CREB5: variants seen among roughly 807,000 people sequenced by gnomAD.
CREB5 encodes the protein cyclic AMP-responsive element-binding protein 5.
In CREB5, 19 loss-of-function variants were observed where a neutral mutation model predicts 57.1. The ratio of observed to expected loss-of-function variants is 0.33; its 90% CI spans 0.23 to 0.49. The LOEUF is 0.49. Ranked by LOEUF, CREB5 falls within the 20% of genes least tolerant of loss-of-function variation. The pLI is 0.99. For synonymous variants in CREB5, 238 were observed against 238.3 expected (o/e 1.00, Z 0.01); for missense variants, 579 against 671.6 (o/e 0.86, Z 1.52).
Position 28,795,747 on chromosome 7 carries a change from TTTTC to T in CREB5, c.703-8444_703-8441del, listed in dbSNP as rs1180278260. ...ATCCACATAAAATAAAATTAACTGT[TTTTC>T]TTTCTTTTTTTTTTTTTTTGAGACA... On this transcript the variant is annotated intron_variant, in intron 7 of 10. Coordinates refer to ENST00000357727, the MANE Select transcript of CREB5 (RefSeq NM_182898.4). Among the ~76,000 whole-genome samples the T allele has an allele frequency of 9.2e-5, 13 of 141,894 alleles. No homozygotes were observed. The East Asian group carries it at 1.8e-3, about 19-fold the overall frequency. 93.1% of individuals were successfully genotyped at this position (141,894 alleles called of 152,430 possible). A position where few individuals can be genotyped will look rare whatever the true frequency, so the allele number is the denominator to read the frequency against.
intron 5 of CREB5, among the ~76,000 whole-genome samples, chr7:28,668,812 C>T (rs759316274): frequency 9.9e-5 from 15 of 152,196 alleles, no homozygotes; most frequent in Middle Eastern, 6.8e-3. Context: ...TCAGTTTTAC[C>T]GGTGAGTGAG....
At chr7:28,308,594 G>A (rs1329836099) in intron 1 of CREB5, among the ~76,000 whole-genome samples, 1 of 152,130 alleles carries the variant, frequency 6.6e-6, no homozygotes, top group Non-Finnish European at 1.5e-5. Context: ...GTGTGCTGGT[G>A]GTGAATGGCT....
In CREB5 at chr7:28,824,583, C is replaced by T. The variant is rs1809960407; in HGVS notation, c.*5304C>T. Reference sequence around the variant, plus strand: ...ATAAACTTACAAGTAAAATTCAATACCAAAACAAACACAAAGAAATTTAAA... The same window carrying T: ...ATAAACTTACAAGTAAAATTCAATATCAAAACAAACACAAAGAAATTTAAA... On this transcript the variant is annotated 3_prime_UTR_variant, in exon 11 of 11. Transcript: ENST00000357727. The T allele has an allele frequency of 2.0e-5, 3 of 152,540 alleles. 1 individual carries two copies. The South Asian group carries it at 6.2e-4, about 32-fold the overall frequency. The allele number at this position is 152,540 out of a possible 1,614,324, so 9.4% of individuals were successfully genotyped here.
intron 4 of CREB5, among the ~76,000 whole-genome samples, chr7:28,535,762 G>C (rs572317349): frequency 9.2e-5 from 14 of 152,218 alleles, no homozygotes; most frequent in African/African-American, 3.4e-4. Context: ...GATGTGGTGA[G>C]CATGAATTTT....
At chr7:28,580,705 T>C (rs1796094264) in intron 5 of CREB5, among the ~76,000 whole-genome samples, 1 of 152,014 alleles carries the variant, frequency 6.6e-6, no homozygotes, top group Non-Finnish European at 1.5e-5. Flanking sequence ...ATAATTATTA[T>C]TGCCATTAGG....
At chr7:28,517,426 C>T (rs1032569420) in intron 4 of CREB5, among the ~76,000 whole-genome samples, 1 of 152,202 alleles carries the variant, frequency 6.6e-6, no homozygotes, top group Non-Finnish European at 1.5e-5. Context: ...GCATTTCCAG[C>T]ACGTTGGCTG....
At chr7:28,481,467 G>A (rs941974423) in intron 1 of CREB5, among the ~76,000 whole-genome samples, 7 of 152,190 alleles carry the variant, frequency 4.6e-5, no homozygotes, top group Non-Finnish European at 8.8e-5. Flanking sequence ...TTCACGCCAA[G>A]TTCTGGTGAA....
chr7:28,330,200 T>G (rs1785687953), intron 1 of CREB5, among the ~76,000 whole-genome samples: 1 of 152,206 alleles, frequency 6.6e-6, no homozygotes, highest in Admixed American at 6.5e-5. Flanking sequence ...TTTCCTGTTT[T>G]GAAGGTTTCC....
At chr7:28,749,478 G>A (rs1804859141) in intron 7 of CREB5, 1 of 152,236 alleles carries the variant, frequency 6.6e-6, no homozygotes, top group South Asian at 2.1e-4. Flanking sequence ...CTTGCTTAAA[G>A]TGACAGTTAA....
chr7:28,410,390 C>A (rs1341494888), upstream of CREB5: 1 of 456,754 alleles, frequency 2.2e-6, no homozygotes, highest in Admixed American at 2.3e-5. Context: ...GGCGGAGTCT[C>A]CCCCTGCGGC....
intron 1 of CREB5, among the ~76,000 whole-genome samples, chr7:28,353,743 T>G (rs1050092032): frequency 6.6e-6 from 1 of 150,676 alleles, no homozygotes; most frequent in African/African-American, 2.4e-5. Flanking sequence ...CTCGGGAGGC[T>G]GAGGCAGGAG....
In CREB5 at chr7:28,637,239, A is replaced by G. The variant is rs1798458713; in HGVS notation, c.464+66702A>G. Among the ~76,000 whole-genome samples the G allele has an allele frequency of 1.3e-5, 2 of 152,126 alleles. 1 individual carries two copies. ...AATTATGTTTCATAATTCATATTATAATTCAAATTATGTCTAGCTTCAGTA... is the reference window on the plus strand; with the variant it reads ...AATTATGTTTCATAATTCATATTATGATTCAAATTATGTCTAGCTTCAGTA... On this transcript the variant is annotated intron_variant, in intron 5 of 10. Transcript: ENST00000357727.
intron 5 of CREB5, among the ~76,000 whole-genome samples, chr7:28,570,787 C>T (rs2128648773): frequency 6.6e-6 from 1 of 152,118 alleles, no homozygotes; most frequent in East Asian, 1.9e-4. Context: ...TTTCTTCAGA[C>T]AAGATTTATG....
chr7:28,816,134 T>A (rs533556081), intron 9 of CREB5, among the ~76,000 whole-genome samples: 1 of 152,260 alleles, frequency 6.6e-6, no homozygotes, highest in South Asian at 2.1e-4. Flanking sequence ...TTGTTTTTTT[T>A]TAACCAGAGA....
chr7:28,756,223 T>C (rs1805288595), intron 7 of CREB5, among the ~76,000 whole-genome samples: 1 of 152,012 alleles, frequency 6.6e-6, no homozygotes. Flanking sequence ...CGCAGCCAAA[T>C]GAAGGGCTTG....
chr7:28,632,645 C>T (rs117078514), intron 5 of CREB5, among the ~76,000 whole-genome samples: 345 of 152,268 alleles, frequency 2.3e-3, no homozygotes, highest in Non-Finnish European at 3.6e-3. Flanking sequence ...GGACAGAGAA[C>T]GCTGCTACTT....
intron 1 of CREB5, among the ~76,000 whole-genome samples, chr7:28,431,385 A>C (rs955520881): frequency 2.6e-5 from 4 of 152,218 alleles, no homozygotes; most frequent in Non-Finnish European, 4.4e-5. Context: ...AAGAAATAAA[A>C]GAAGTAAGCA....
chr7:28,565,617 C>T (rs1795442522), intron 4 of CREB5, among the ~76,000 whole-genome samples: 1 of 152,174 alleles, frequency 6.6e-6, no homozygotes, highest in Non-Finnish European at 1.5e-5. Context: ...CTTTTATCAT[C>T]ATGATTACAT....
intron 1 of CREB5, among the ~76,000 whole-genome samples, chr7:28,433,692 A>G (rs958426526): frequency 2.6e-5 from 4 of 152,136 alleles, no homozygotes; most frequent in African/African-American, 9.7e-5. Flanking sequence ...TTTAAAATCT[A>G]GAAGCACAAG....
Sources: allele counts gnomAD v4.1 joint callset (sites outside exome capture counted in the v4.1 genomes callset), GRCh38; gene constraint gnomAD v4.1.1; transcripts MANE v1.5; gene names NCBI Gene and HGNC (gene_info 2026-07-23, HGNC 2026-07-21).